The following KCNMB2 variants were observed in gnomAD, a reference collection of about 807,000 sequenced individuals.
KCNMB2 encodes calcium-activated potassium channel subunit beta-2.
KCNMB2 carries 9 observed loss-of-function variants against 24.5 expected under a neutral mutation model. The observed-to-expected ratio is 0.37, with a 90% CI of 0.22 to 0.64. The LOEUF (loss-of-function observed/expected upper bound fraction) is 0.64, where lower values mean the gene tolerates loss of function less well. KCNMB2 is among the 30% of genes least tolerant of loss of function. The pLI is 0.63. For missense variants in KCNMB2, 226 were observed against 284.3 expected (o/e 0.79, Z 1.47); for synonymous variants, 109 against 104.4 (o/e 1.04, Z -0.27).
At position 178,842,952 on chromosome 3, in the gene KCNMB2, A is replaced by G; in HGVS notation, c.*15A>G. 6.3e-7 allele frequency: 1 copy of G among 1,583,302 alleles called. No individual in the cohort carries two copies. The highest frequency in any genetic ancestry group is 8.6e-7 in the Non-Finnish European group (1 of 1,163,204). On this transcript the variant is annotated 3_prime_UTR_variant, in exon 5 of 5. Coordinates refer to ENST00000452583, the MANE Select transcript of KCNMB2 (RefSeq NM_181361.3). ...TCAATAGATAAATGCAAAAATGGAT[A>G]AAATAATTTTTGTTAAAGCTCAAAT... is the stretch of plus-strand genomic sequence containing the variant.
At chr3:178,732,136 A>G (rs980891314) in intron 1 of KCNMB2, among the ~76,000 whole-genome samples, 5 of 152,194 alleles carry the variant, frequency 3.3e-5, no homozygotes, top group Admixed American at 6.5e-5. Context: ...GAAATATAGA[A>G]AAAATTTGCG....
At chr3:178,806,885 G>A (rs1324608873) in intron 1 of KCNMB2, among the ~76,000 whole-genome samples, 1 of 152,036 alleles carries the variant, frequency 6.6e-6, no homozygotes, top group Non-Finnish European at 1.5e-5. Flanking sequence ...TAAAGATGAC[G>A]TTTCATCACC....
At chr3:178,616,095 G>C (rs779340558) in intron 1 of KCNMB2, among the ~76,000 whole-genome samples, 1 of 152,040 alleles carries the variant, frequency 6.6e-6, no homozygotes, top group Non-Finnish European at 1.5e-5. Context: ...GCAGAAAGAA[G>C]GGCTCTCTTT....
chr3:178,700,076 C>A (rs1023926319), intron 1 of KCNMB2, among the ~76,000 whole-genome samples: 1 of 152,198 alleles, frequency 6.6e-6, no homozygotes, highest in Non-Finnish European at 1.5e-5. Flanking sequence ...GGCATCTATC[C>A]AAGCCAGTAT....
intron 1 of KCNMB2, among the ~76,000 whole-genome samples, chr3:178,713,644 G>C (rs772434108): frequency 3.9e-5 from 6 of 152,040 alleles, no homozygotes; most frequent in African/African-American, 1.4e-4. Flanking sequence ...CACCCCCATA[G>C]GTATGGTCTC....
chr3:178,738,573 CT>C (rs1328095262), intron 1 of KCNMB2, among the ~76,000 whole-genome samples: 2 of 152,214 alleles, frequency 1.3e-5, no homozygotes, highest in Non-Finnish European at 2.9e-5. Flanking sequence ...AAACTTCCTT[CT>C]GTCCCAGGTC....
intron 1 of KCNMB2, among the ~76,000 whole-genome samples, chr3:178,759,706 A>G (rs1372314077): frequency 8.5e-6 from 1 of 118,184 alleles, no homozygotes; most frequent in African/African-American, 3.1e-5. Flanking sequence ...ACACATATAT[A>G]TATCCAAGAG....
intron 1 of KCNMB2, among the ~76,000 whole-genome samples, chr3:178,575,241 G>A (rs1295126017): frequency 2.0e-5 from 3 of 152,126 alleles, no homozygotes; most frequent in African/African-American, 7.2e-5. Flanking sequence ...TACTGGTTTG[G>A]GCTGGGTAGT....
chr3:178,807,048 A>G (rs1487644059), intron 1 of KCNMB2, among the ~76,000 whole-genome samples: 4 of 152,192 alleles, frequency 2.6e-5, no homozygotes, highest in African/African-American at 9.7e-5. Context: ...TTTGAAGGAG[A>G]TACTTTTGGG....
At chr3:178,588,001 G>A (rs976448507) in intron 1 of KCNMB2, among the ~76,000 whole-genome samples, 4 of 148,328 alleles carry the variant, frequency 2.7e-5, no homozygotes, top group African/African-American at 1.0e-4. Context: ...TTGGTTTTCT[G>A]TCCTTGCGAC....
chr3:178,781,057 T>C (rs1014639261), intron 1 of KCNMB2, among the ~76,000 whole-genome samples: 1 of 152,174 alleles, frequency 6.6e-6, no homozygotes, highest in African/African-American at 2.4e-5. Context: ...TAATGTAAAT[T>C]ATACCATTAA....
chr3:178,598,508 G>T (rs1717959155), intron 1 of KCNMB2, among the ~76,000 whole-genome samples: 1 of 151,986 alleles, frequency 6.6e-6, no homozygotes, highest in Non-Finnish European at 1.5e-5. Flanking sequence ...CAAACAGAGA[G>T]ATATTTGTTT....
intron 1 of KCNMB2, among the ~76,000 whole-genome samples, chr3:178,552,751 T>A (rs1261688713): frequency 2.6e-5 from 4 of 152,204 alleles, no homozygotes; most frequent in Non-Finnish European, 4.4e-5. Flanking sequence ...ATTCAAACAA[T>A]CTATTATTCT....
intron 1 of KCNMB2, among the ~76,000 whole-genome samples, chr3:178,654,275 A>G (rs970220588): frequency 1.3e-5 from 2 of 152,098 alleles, no homozygotes; most frequent in African/African-American, 4.8e-5. Flanking sequence ...TTGTCTTTTC[A>G]ACGAAGGAGA....
chr3:178,537,268 C>T (rs1336504004), intron 1 of KCNMB2: 1 of 152,052 alleles, frequency 6.6e-6, no homozygotes. Flanking sequence ...TACCTTCGTC[C>T]GTTTTGCATA....
chr3:178,697,273 G>T (rs1721913609), intron 1 of KCNMB2, among the ~76,000 whole-genome samples: 1 of 152,190 alleles, frequency 6.6e-6, no homozygotes, highest in Admixed American at 6.5e-5. Context: ...TTTGCCTTAT[G>T]AATCTGAGTG....
intron 1 of KCNMB2, among the ~76,000 whole-genome samples, chr3:178,804,913 G>A (rs1577201625): frequency 6.6e-6 from 1 of 152,214 alleles, no homozygotes; most frequent in African/African-American, 2.4e-5. Context: ...ATTCAATTTA[G>A]ATGAAAAGTA....
At chr3:178,777,318 C>A (rs897377879) in intron 1 of KCNMB2, among the ~76,000 whole-genome samples, 2 of 152,030 alleles carry the variant, frequency 1.3e-5, no homozygotes, top group African/African-American at 4.8e-5. Context: ...GCCTGTAATC[C>A]AAGCTACTCA....
intron 1 of KCNMB2, among the ~76,000 whole-genome samples, chr3:178,698,543 T>G (rs561463411): frequency 5.9e-5 from 9 of 152,374 alleles, no homozygotes; most frequent in African/African-American, 1.9e-4. Context: ...TTAGCTTCAT[T>G]GCATTGGGTT....
Sources: allele counts gnomAD v4.1 joint callset (sites outside exome capture counted in the v4.1 genomes callset), GRCh38; gene constraint gnomAD v4.1.1; transcripts MANE v1.5; gene names NCBI Gene and HGNC (gene_info 2026-07-23, HGNC 2026-07-21).